PTPN13: variants seen among roughly 807,000 people sequenced by gnomAD.
PTPN13 encodes protein tyrosine phosphatase non-receptor type 13.
A neutral mutation model predicts 284.0 loss-of-function variants in PTPN13; 191 were observed. That is an observed-to-expected ratio of 0.67 (90% confidence interval 0.60 to 0.76). PTPN13 has a LOEUF of 0.76. Ranked by LOEUF, PTPN13 falls within the 30% of genes least tolerant of loss-of-function variation. PTPN13 has a pLI of 0.00. For synonymous variants in PTPN13, 986 were observed against 1,022.3 expected (o/e 0.96, Z 0.68); for missense variants, 2,797 against 2,939.9 (o/e 0.95, Z 1.12).
At chr4:86,801,761 C>G (rs1223297055) in intron 42 of PTPN13, among the ~76,000 whole-genome samples, 3 of 151,968 alleles carry the variant, frequency 2.0e-5, no homozygotes, top group Non-Finnish European at 4.4e-5. Context: ...TTTTTAAATG[C>G]TTATGTAGAA....
intron 1 of PTPN13, among the ~76,000 whole-genome samples, chr4:86,602,019 A>G (rs1764335615): frequency 6.6e-6 from 1 of 152,172 alleles, no homozygotes; most frequent in Non-Finnish European, 1.5e-5. Context: ...GAATAAATCA[A>G]TCTATTGGCA....
chr4:86,639,665 T>A lies in PTPN13; in HGVS notation c.115+4294T>A, dbSNP rs193300657. On this transcript the variant is annotated intron_variant, in intron 2 of 47. Transcript: ENST00000411767. Reference sequence around the variant, plus strand: ...GGACACAGGAAGGGAAACATCACACTCTGGGGACTGTTGTGGGGTGGGGGG... The same window carrying A: ...GGACACAGGAAGGGAAACATCACACACTGGGGACTGTTGTGGGGTGGGGGG... Among the ~76,000 whole-genome samples, 164 of 148,638 alleles carry A rather than the reference T, an allele frequency of 1.1e-3. 4 individuals are homozygous for A. The highest frequency in any genetic ancestry group is 4.0e-3 in the African/African-American group (160 of 40,068).
chr4:86,707,454 C>G (rs1731889467), intron 7 of PTPN13, among the ~76,000 whole-genome samples: 3 of 152,098 alleles, frequency 2.0e-5, no homozygotes. Flanking sequence ...TGTAAACACT[C>G]AAGTATGGGA....
At position 86,775,513 on chromosome 4, in the gene PTPN13, G is replaced by A. The variant is rs201659141; in HGVS notation, c.5752G>A (p.Val1918Ile). 7.1e-5 allele frequency: 115 copies of A among 1,612,496 alleles called. No individual in the cohort carries two copies. Among genetic ancestry groups the A allele is most frequent in the South Asian group, 1.8e-4 (16 of 90,984 alleles). ...VYISDINPRS[V>I]AAIEGNLQLL... ...TATTAGTGATATTAATCCAAGGTCC[G>A]TCGCAGCCATTGAGGGTAATCTCCA... The change falls in exon 35 of 48, where the codon GTC becomes ATC. Residue 1918 changes from valine to isoleucine, a missense_variant. Transcript: ENST00000411767.
chr4:86,782,335 A>T, intron 37 of PTPN13, 73 bp downstream of exon 37: 1 of 1,286,828 alleles, frequency 7.8e-7, no homozygotes, highest in Non-Finnish European at 1.1e-6. Flanking sequence ...TTTTGAACCA[A>T]ACTGATTTCA....
At chr4:86,721,478 A>C (rs1449605319) in intron 9 of PTPN13, among the ~76,000 whole-genome samples, 2 of 152,152 alleles carry the variant, frequency 1.3e-5, no homozygotes, top group Non-Finnish European at 2.9e-5. Context: ...CTGCCATATA[A>C]TGATGGTGCC....
At chr4:86,725,145 A>G (rs891289322) in intron 10 of PTPN13, among the ~76,000 whole-genome samples, 1 of 151,466 alleles carries the variant, frequency 6.6e-6, no homozygotes, top group African/African-American at 2.4e-5. Flanking sequence ...AAGGACATGA[A>G]CTCATCCTGT....
At chr4:86,725,302 G>A (rs1734116794) in intron 10 of PTPN13, among the ~76,000 whole-genome samples, 1 of 149,262 alleles carries the variant, frequency 6.7e-6, no homozygotes, top group African/African-American at 2.4e-5. Flanking sequence ...CTTTATGGTA[G>A]CGTGATTTAT....
rs529694080 is a variant in PTPN13 at position 86,641,858 on chromosome 4, T to G, written c.115+6487T>G. Among the ~76,000 whole-genome samples, 3 of 152,336 alleles carry G rather than the reference T, an allele frequency of 2.0e-5. No homozygotes were observed. The South Asian group carries it at 6.2e-4, about 32-fold the overall frequency. On this transcript the variant is annotated intron_variant, in intron 2 of 47. Transcript: ENST00000411767. ...TATTCTGTAGGCATTTGAAAAGAATTGTACTGTCTATTCCTAGGCTATAGC... is the reference window on the plus strand; with the variant it reads ...TATTCTGTAGGCATTTGAAAAGAATGGTACTGTCTATTCCTAGGCTATAGC...
At chr4:86,760,192 ACAAT>A (rs1319388266) in intron 23 of PTPN13, among the ~76,000 whole-genome samples, 1 of 152,214 alleles carries the variant, frequency 6.6e-6, no homozygotes, top group African/African-American at 2.4e-5. Flanking sequence ...GTGAGCAAAC[ACAAT>A]CGATAGAAGG....
chr4:86,764,510 TAAAAAA>T, intron 24 of PTPN13, 77 bp from the exon 25 acceptor site: 4 of 1,077,362 alleles, frequency 3.7e-6, no homozygotes, highest in Non-Finnish European at 3.8e-6. Flanking sequence ...GGGCTAGGTT[TAAAAAA>T]AAAGAAATTA....
chr4:86,757,612 A>T (rs748579917), intron 20 of PTPN13, among the ~76,000 whole-genome samples: 1 of 151,906 alleles, frequency 6.6e-6, no homozygotes, highest in East Asian at 1.9e-4. Flanking sequence ...CAAAAATAAA[A>T]AATTAGCTGG....
At chr4:86,604,789 C>T (rs1019810406) in intron 1 of PTPN13, among the ~76,000 whole-genome samples, 2 of 151,846 alleles carry the variant, frequency 1.3e-5, no homozygotes, top group African/African-American at 4.8e-5. Flanking sequence ...TATTTGACCA[C>T]TCTATGTTCA....
chr4:86,661,016 C>T, intron 2 of PTPN13: 2 of 406,874 alleles, frequency 4.9e-6, no homozygotes, highest in Admixed American at 6.1e-5. Context: ...TGAGGTATAA[C>T]ATATATTGCA....
chr4:86,673,345 G>A (rs1415265310), intron 3 of PTPN13, among the ~76,000 whole-genome samples: 1 of 152,200 alleles, frequency 6.6e-6, no homozygotes, highest in Non-Finnish European at 1.5e-5. Context: ...AGGCTATGAA[G>A]AATGAATAGA....
Position 86,687,902 on chromosome 4 carries a change from TA to T in PTPN13, c.361-1102del, listed in dbSNP as rs1281053700. On this transcript the variant is annotated intron_variant, in intron 4 of 47. Transcript: ENST00000411767. ...TGTATTTTAGGATCAGAAATCAGGA[TA>T]TTTTGGAAATATTTAATATTAATTT... Among the ~76,000 whole-genome samples the T allele has an allele frequency of 6.6e-5, 10 of 152,274 alleles. No individual in the cohort carries two copies. The East Asian group carries it at 1.5e-3, about 23-fold the overall frequency.
intron 2 of PTPN13, among the ~76,000 whole-genome samples, chr4:86,636,446 G>A (rs143847423): frequency 1.4e-4 from 22 of 152,200 alleles, no homozygotes; most frequent in African/African-American, 4.1e-4. Flanking sequence ...AAAACCAAGC[G>A]TCATCTAAAG....
chr4:86,763,607 A>C (rs1455333732), intron 24 of PTPN13, among the ~76,000 whole-genome samples: 2 of 152,238 alleles, frequency 1.3e-5, no homozygotes, highest in Non-Finnish European at 2.9e-5. Flanking sequence ...TGATAACGAC[A>C]TTGAAAATAG....
In PTPN13 at chr4:86,769,999, G is replaced by A; in HGVS notation, c.4704+16G>A. On this transcript the variant is annotated intron_variant, in intron 29 of 47. Transcript: ENST00000411767. ...ATCTCAGCAGGTGAGCCCCTAGCAT[G>A]TGGAGTATAGCATTTTTAATGATGA... The A allele has an allele frequency of 6.2e-7, 1 of 1,613,414 alleles. No individual in the cohort carries two copies. The highest frequency in any genetic ancestry group is 8.5e-7 in the Non-Finnish European group (1 of 1,179,442).
Sources: allele counts gnomAD v4.1 joint callset (sites outside exome capture counted in the v4.1 genomes callset), GRCh38; gene constraint gnomAD v4.1.1; transcripts MANE v1.5; gene names NCBI Gene and HGNC (gene_info 2026-07-23, HGNC 2026-07-21).